Variants in MSI2 observed in about 807,000 individuals in gnomAD.
MSI2 encodes RNA-binding protein Musashi homolog 2.
Under a neutral mutation model 45.6 loss-of-function variants are expected in MSI2, and 17 were observed. That is an observed-to-expected ratio of 0.37 (90% CI 0.26 to 0.56). The LOEUF (loss-of-function observed/expected upper bound fraction) is 0.56. Ranked by LOEUF, MSI2 falls within the 20% of genes least tolerant of loss-of-function variation. The pLI is 0.77. For missense variants in MSI2, 293 were observed against 444.2 expected, an observed-to-expected ratio of 0.66 and a Z score of 3.06; for synonymous variants, 156 against 158.2, an observed-to-expected ratio of 0.99 and a Z score of 0.11.
intron 8 of MSI2, among the ~76,000 whole-genome samples, chr17:57,615,518 G>A (rs1442540952): frequency 6.6e-6 from 1 of 152,236 alleles, no homozygotes; most frequent in Admixed American, 6.5e-5. Flanking sequence ...GTTTGAATCA[G>A]ATGGCCTGGC....
In MSI2 at chr17:57,407,709, G is replaced by A. The variant is rs74773779; in HGVS notation, c.405+6238G>A. 1.5e-3 allele frequency among the ~76,000 whole-genome samples: 222 copies of A among 152,274 alleles called. No individual in the cohort carries two copies. Among genetic ancestry groups the A allele is most frequent in the African/African-American group, 5.0e-3 (209 of 41,558 alleles). On this transcript the variant is annotated intron_variant, in intron 6 of 13. Coordinates refer to ENST00000284073, the MANE Select transcript of MSI2 (RefSeq NM_138962.4). This position sits in a 1 kb window ranked among gnomAD's most constrained non-coding sequence, Gnocchi z 4.1. Reference sequence around the variant, plus strand: ...TGTTGCCCTTCAGACCTTCTTCAACGACAATTGTAGGCTGGACCAGGAAGG... The same window carrying A: ...TGTTGCCCTTCAGACCTTCTTCAACAACAATTGTAGGCTGGACCAGGAAGG...
At chr17:57,350,203 T>G (rs1402936496) in intron 5 of MSI2, among the ~76,000 whole-genome samples, 1 of 147,864 alleles carries the variant, frequency 6.8e-6, no homozygotes, top group Non-Finnish European at 1.5e-5. Context: ...CAAAGCCTAT[T>G]GTTAACAGTG....
chr17:57,401,203 T>C (rs892126632), intron 5 of MSI2, among the ~76,000 whole-genome samples, 176 bp from the exon 6 acceptor site: 13 of 152,184 alleles, frequency 8.5e-5, no homozygotes, highest in African/African-American at 2.9e-4. Context: ...GCCTGAGATA[T>C]GCAGAGTGAC....
rs551705460 is a variant in MSI2, at chr17:57,525,590, A to G, written c.406-4086A>G. On this transcript the variant is annotated intron_variant, in intron 6 of 13. Transcript: ENST00000284073. ...AGACATGAGCCAGCATATCCGGCCT[A>G]TTTTGCTTTTTCATTCACAAAGATA... Among the ~76,000 whole-genome samples, 11 of 152,196 alleles carry G rather than the reference A, an allele frequency of 7.2e-5. No individual in the cohort carries two copies. In the East Asian group the frequency reaches 1.2e-3, roughly 16 times the overall value.
At chr17:57,519,656 G>A (rs957742680) in intron 6 of MSI2, among the ~76,000 whole-genome samples, 1 of 152,138 alleles carries the variant, frequency 6.6e-6, no homozygotes, top group Middle Eastern at 3.2e-3. Context: ...ATTTCCTTGA[G>A]GTTACCTAAT....
At chr17:57,384,249 G>A (rs542717628) in intron 5 of MSI2, among the ~76,000 whole-genome samples, 13 of 152,332 alleles carry the variant, frequency 8.5e-5, no homozygotes, top group African/African-American at 2.9e-4. Flanking sequence ...TTCACCTGGT[G>A]TAGGACCTCA....
chr17:57,502,608 T>G (rs1349938761), intron 6 of MSI2, among the ~76,000 whole-genome samples: 2,396 of 94,360 alleles, frequency 0.025, 205 homozygotes, highest in African/African-American at 0.093. Flanking sequence ...CTGAGATATA[T>G]ATATATATAT....
chr17:57,518,385 C>T (rs2086514609), intron 6 of MSI2, among the ~76,000 whole-genome samples: 1 of 152,162 alleles, frequency 6.6e-6, no homozygotes, highest in South Asian at 2.1e-4. Context: ...ACTGCATTGG[C>T]CACAGGAGAT....
intron 10 of MSI2, among the ~76,000 whole-genome samples, chr17:57,643,045 G>A (rs547320462): frequency 6.6e-6 from 1 of 152,154 alleles, no homozygotes; most frequent in South Asian, 2.1e-4. Context: ...GGAGAGCTTT[G>A]GCAGTTTCTG....
chr17:57,468,519 T>G (rs1598303604), intron 6 of MSI2, among the ~76,000 whole-genome samples: 1 of 65,178 alleles, frequency 1.5e-5, no homozygotes, highest in Admixed American at 1.5e-4. Context: ...AGACTCTATC[T>G]CAAAAAAAAA....
intron 6 of MSI2, among the ~76,000 whole-genome samples, chr17:57,436,716 C>T (rs2084697788): frequency 6.6e-6 from 1 of 152,160 alleles, no homozygotes; most frequent in Non-Finnish European, 1.5e-5. Flanking sequence ...GTGGGCATTC[C>T]AATGAAACCA....
intron 5 of MSI2, among the ~76,000 whole-genome samples, chr17:57,391,509 T>C (rs2083789912): frequency 6.6e-6 from 1 of 152,196 alleles, no homozygotes; most frequent in Non-Finnish European, 1.5e-5. Context: ...GCATCATTTC[T>C]GTAGGCAGAA....
chr17:57,461,173 G>A (rs1362839079), intron 6 of MSI2, among the ~76,000 whole-genome samples: 3 of 152,042 alleles, frequency 2.0e-5, no homozygotes, highest in Admixed American at 6.5e-5. Flanking sequence ...CCCTTGACCC[G>A]GCCGCAGAGT....
At chr17:57,598,291 A>G (rs73994445) in intron 8 of MSI2, among the ~76,000 whole-genome samples, 9,322 of 152,304 alleles carry the variant, frequency 0.061, 437 homozygotes, top group African/African-American at 0.12. Context: ...GCGTTCAGAC[A>G]TGCATTGTAT....
intron 5 of MSI2, among the ~76,000 whole-genome samples, chr17:57,318,706 C>T (rs563051857): frequency 1.9e-4 from 29 of 152,282 alleles, no homozygotes; most frequent in African/African-American, 6.5e-4. Context: ...ACATACAGCA[C>T]GTTCCTGAAT....
chr17:57,314,564 ATTTTTTTTTTTTT>A (rs56937102), intron 5 of MSI2, among the ~76,000 whole-genome samples: 1 of 61,638 alleles, frequency 1.6e-5, no homozygotes, highest in Non-Finnish European at 2.9e-5. Flanking sequence ...AGGCACCTGG[ATTTTTTTTTTTTT>A]TTTTTTTTTT....
chr17:57,538,635 T>A (rs1159782727), intron 7 of MSI2, among the ~76,000 whole-genome samples: 1 of 152,204 alleles, frequency 6.6e-6, no homozygotes, highest in South Asian at 2.1e-4. Context: ...TGAAACCACC[T>A]GCTTAACTTC....
intron 10 of MSI2, among the ~76,000 whole-genome samples, chr17:57,648,132 CGTGTGTGTGTGTGTGTGTGTGTGT>C (rs765039915): frequency 3.4e-5 from 4 of 116,182 alleles, no homozygotes; most frequent in South Asian, 3.3e-4. Flanking sequence ...CTGGCTAATT[CGTGTGTGTGTGTGTGTGTGTGTGT>C]GTGTGTGTGT....
chr17:57,575,147 T>TCC (rs371180511), intron 7 of MSI2, among the ~76,000 whole-genome samples: 1,792 of 119,264 alleles, frequency 0.015, 113 homozygotes, highest in African/African-American at 0.044. Context: ...CTTTTTTAAC[T>TCC]CCCTCCCCCC....
Sources: gnomAD v4.1 joint callset for allele counts (sites outside exome capture counted in the v4.1 genomes callset) on GRCh38, gnomAD v4.1.1 for gene constraint, Gnocchi (gnomAD v3.1) non-coding constraint, MANE v1.5 for transcripts, NCBI Gene and HGNC (gene_info 2026-07-23, HGNC 2026-07-21) for gene names.